The following DVL2 variants were observed in gnomAD, a reference collection of about 807,000 sequenced individuals.
DVL2 encodes segment polarity protein dishevelled homolog DVL-2.
A neutral mutation model predicts 69.8 loss-of-function variants in DVL2; 38 were observed. The ratio of observed to expected loss-of-function variants is 0.54; its 90% CI spans 0.42 to 0.71. DVL2 has a LOEUF of 0.71. Ranked by LOEUF, DVL2 falls within the 30% of genes least tolerant of loss-of-function variation. DVL2 has a pLI of 0.00. For missense variants in DVL2, 931 were observed against 1,008.1 expected, an observed-to-expected ratio of 0.92 and a Z score of 1.04; for synonymous variants, 428 against 392.4, an observed-to-expected ratio of 1.09 and a Z score of -1.07.
At position 7,226,505 on chromosome 17, in the gene DVL2, G is replaced by A. The variant is rs767139067; in HGVS notation, c.1678C>T (p.Pro560Ser). The A allele has an allele frequency of 8.8e-6, 14 of 1,599,230 alleles. No homozygotes were observed. The highest frequency in any genetic ancestry group is 1.3e-5 in the African/African-American group (1 of 74,266). Residue 560 changes from proline to serine, a missense_variant, in exon 14 of 15, where the codon CCC (proline) becomes TCC (serine). Pro to Ser is a moderately conservative substitution (Grantham distance 74). Coordinates refer to ENST00000005340, the MANE Select transcript of DVL2 (RefSeq NM_004422.3). ...TFSYQYPAPH[P>S]YSPQPPPYHE... ...TAGGGTGGAGGCTGCGGGCTGTAGG[G>A]GTGTGGGGCAGGGTATTGGTAGGAG...
At chr17:7,233,087 C>CAAAAAAAAAAAAAAAAAAAAAAAAAAAAA (rs59984818) in intron 1 of DVL2, among the ~76,000 whole-genome samples, 4 of 36,296 alleles carry the variant, frequency 1.1e-4, no homozygotes, top group Non-Finnish European at 1.8e-4. Context: ...GAGACTGTCT[C>CAAAAAAAAAAAAAAAAAAAAAAAAAAAAA]AAAAAAAAAA....
In DVL2 at chr17:7,226,028, A is replaced by G. The variant is rs770537300; in HGVS notation, c.2048T>C (p.Val683Ala). Residue 683 changes from valine to alanine, a missense_variant, in exon 15 of 15, where the codon GTC (valine) becomes GCC (alanine). Val to Ala is a moderately conservative substitution (Grantham distance 64). Around this residue, in one of 3 missense-constraint regions of DVL2, gnomAD observed 314 missense variants for 313.7 expected, o/e 1.00. Transcript: ENST00000005340. ...TGGAGGTGGAGGTGGGGGCATCATG[A>G]CCACCATCATGGGGTTGTAGGGGAG... ...MALPYNPMMVVMMPPPPPPVP... is the reference protein window; with the variant it reads ...MALPYNPMMVAMMPPPPPPVP... The G allele has an allele frequency of 3.7e-6, 6 of 1,612,132 alleles. No individual in the cohort carries two copies. The South Asian group carries it at 5.5e-5, about 15-fold the overall frequency.
rs189070318 is a variant in DVL2, at chr17:7,227,326, G to A, written c.1364-57C>T. ...GGTTCTTCTTCCAACTCCTGCTCTCGCCTCTGCCTGTGCCATTCCTGGCTT... is the reference window on the plus strand; with the variant it reads ...GGTTCTTCTTCCAACTCCTGCTCTCACCTCTGCCTGTGCCATTCCTGGCTT... On this transcript the variant is annotated intron_variant, in intron 12 of 14. Coordinates refer to ENST00000005340, the MANE Select transcript of DVL2 (RefSeq NM_004422.3). The A allele has an allele frequency of 1.7e-3, 2,740 of 1,602,648 alleles. 2 individuals are homozygous for A. Among genetic ancestry groups the A allele is most frequent in the Non-Finnish European group, 2.2e-3 (2,521 of 1,171,718 alleles).
rs775018008 is a variant in DVL2, at chr17:7,230,268, G to A, written c.410+17C>T. Reference sequence around the variant, plus strand: ...CCTCACCTCCCTCCCCTGCAGTCAAGAATCTGAAGGACTCACTGGAAGGAT... The same window carrying A: ...CCTCACCTCCCTCCCCTGCAGTCAAAAATCTGAAGGACTCACTGGAAGGAT... On this transcript the variant is annotated intron_variant, in intron 3 of 14. Coordinates refer to ENST00000005340, the MANE Select transcript of DVL2 (RefSeq NM_004422.3). The A allele has an allele frequency of 6.2e-6, 10 of 1,613,892 alleles. 1 individual carries two copies. The South Asian group carries it at 7.7e-5, about 12-fold the overall frequency.
At chr17:7,230,655 C>G (rs2071528956) in intron 2 of DVL2, 73 bp downstream of exon 2, 1 of 1,500,242 alleles carries the variant, frequency 6.7e-7, no homozygotes, top group Admixed American at 1.9e-5. Flanking sequence ...GGGGAGGATA[C>G]AGAAACAGAC....
At chr17:7,233,073 G>A (rs1355327287) in intron 1 of DVL2, among the ~76,000 whole-genome samples, 1 of 61,984 alleles carries the variant, frequency 1.6e-5, no homozygotes, top group Non-Finnish European at 3.9e-5. Context: ...CTGGGCGACA[G>A]AGCGAGACTG....
Position 7,229,931 on chromosome 17 carries a change from C to G in DVL2, c.533G>C (p.Arg178Thr), listed in dbSNP as rs1449137915. 2 of 1,608,558 alleles carry G rather than the reference C, an allele frequency of 1.2e-6. No individual in the cohort carries two copies. The highest frequency in any genetic ancestry group is 2.2e-5 in the South Asian group (2 of 91,082). ...CTCCAGCCTTGAGGGGCCACCAGTC[C>G]TGTGGCCCCCAGCTACATATGGACA... ...DSSEHGAGGH[R>T]TGGPSRLERH... Residue 178 changes from arginine to threonine, a missense_variant, in exon 5 of 15, where the codon AGG becomes ACG. By Grantham distance (71) the Arg-to-Thr change is moderately conservative (BLOSUM62 -1). Around this residue, in one of 3 missense-constraint regions of DVL2, gnomAD observed 555 missense variants for 588.8 expected, o/e 0.94. Transcript: ENST00000005340. The surrounding 1 kb of genome is among the most constrained non-coding windows in gnomAD (Gnocchi z 4.4).
chr17:7,227,839 G>A (rs2071481785), intron 10 of DVL2, 56 bp from the exon 11 acceptor site: 1 of 1,556,614 alleles, frequency 6.4e-7, no homozygotes. Flanking sequence ...AGCCAGCCCA[G>A]TCCCTCCCTG....
chr17:7,227,828 A>G, intron 10 of DVL2, 45 bp from the exon 11 acceptor site: 3 of 1,556,502 alleles, frequency 1.9e-6, no homozygotes, highest in Non-Finnish European at 2.6e-6. Flanking sequence ...CAGTCCCCAA[A>G]AGCCAGCCCA....
chr17:7,234,147 G>A lies in DVL2; in HGVS notation c.116C>T (p.Thr39Ile). 2 of 1,614,164 alleles carry A rather than the reference G, an allele frequency of 1.2e-6. No individual in the cohort carries two copies. The highest frequency in any genetic ancestry group is 1.7e-6 in the Non-Finnish European group (2 of 1,180,022). The part of the protein sequence containing the change: ...VKIPVPAERI[T>I]LGDFKSVLQR... ...CAGGACGCTCTTGAAATCGCCGAGG[G>A]TGATGCGCTCGGCGGGGACAGGGAT... Residue 39 changes from threonine (T) to isoleucine (I), a missense_variant, in exon 1 of 15, where the codon ACC becomes ATC. Around this residue, in one of 3 missense-constraint regions of DVL2, gnomAD observed 555 missense variants for 588.8 expected, o/e 0.94. Transcript: ENST00000005340.
chr17:7,231,164 T>C (rs973455193), intron 1 of DVL2, among the ~76,000 whole-genome samples: 1 of 152,110 alleles, frequency 6.6e-6, no homozygotes, highest in Non-Finnish European at 1.5e-5. Flanking sequence ...CCCCTGTTCC[T>C]TACAAACCTT....
intron 1 of DVL2, among the ~76,000 whole-genome samples, chr17:7,232,734 C>G (rs77881712): frequency 6.6e-6 from 1 of 152,166 alleles, no homozygotes; most frequent in Non-Finnish European, 1.5e-5. Flanking sequence ...TAGCTAGAGT[C>G]CAGTTTGTTC....
rs183589526 is a variant in DVL2 at position 7,228,646 on chromosome 17, T to A, written c.1034+323A>T. The A allele has an allele frequency of 3.5e-5, 11 of 312,914 alleles. No homozygotes were observed. The East Asian group carries it at 8.0e-4, about 23-fold the overall frequency. The allele number at this position is 312,914 out of a possible 1,614,324, so 19.4% of individuals were successfully genotyped here. ...CCCAGGCTGGAGTGCAGTGGCGTGA[T>A]CTCGTTTCACTGCAACCTCCACCCC... On this transcript the variant is annotated intron_variant, in intron 9 of 14. Transcript: ENST00000005340.
Position 7,226,437 on chromosome 17 carries a change from G to C in DVL2, c.1746C>G (p.Ser582Arg). 1 of 1,536,370 alleles carries C rather than the reference G, an allele frequency of 6.5e-7. No homozygotes were observed. The highest frequency in any genetic ancestry group is 8.8e-7 in the Non-Finnish European group (1 of 1,142,186). The part of the protein sequence containing the change: ...SSYTYGGGSA[S>R]SQHSEGSRSS... The stretch of plus-strand genomic sequence containing the variant: ...ATGACTTACCCTCACTATGCTGGCT[G>C]CTGGCACTGCCCCCACCATAGGTGT... The change falls in exon 14 of 15, where the codon AGC becomes AGG. Residue 582 changes from serine to arginine, a missense_variant. By Grantham distance (110) the Ser-to-Arg change is moderately radical (BLOSUM62 -1). Transcript: ENST00000005340.
intron 10 of DVL2, 23 bp downstream of exon 10, chr17:7,227,954 G>A: frequency 6.3e-7 from 1 of 1,575,826 alleles, no homozygotes; most frequent in Non-Finnish European, 8.6e-7. Flanking sequence ...CCAACTTCAG[G>A]CCCCTCCCTG....
At position 7,234,307 on chromosome 17, in the gene DVL2, C is replaced by T. The variant is rs749664905; in HGVS notation, c.-45G>A. ...CGGGCTCCACCGCCCACCCAAAGGG[C>T]TAATGGCCCCTGCCGCGCCTGCGCA... is the stretch of plus-strand genomic sequence containing the variant. On this transcript the variant is annotated 5_prime_UTR_variant, in exon 1 of 15. Transcript: ENST00000005340. 1.9e-6 allele frequency: 3 copies of T among 1,577,918 alleles called. No homozygotes were observed. The highest frequency in any genetic ancestry group is 2.6e-6 in the Non-Finnish European group (3 of 1,161,948).
In DVL2 at chr17:7,227,145, G is replaced by A. The variant is rs2071469276; in HGVS notation, c.1488C>T (p.Thr496=). ...GLIRHTVNKI[T]FSEQCYYVFG... ...AGACGTAATAGCACTGCTCAGAGAA[G>A]GTGATCTTGTTGACGGTGTGTCGGA... Residue 496 remains threonine, a synonymous_variant, in exon 13 of 15, where the codon ACC becomes ACT. Coordinates refer to ENST00000005340, the MANE Select transcript of DVL2 (RefSeq NM_004422.3). 4 of 1,614,206 alleles carry A rather than the reference G, an allele frequency of 2.5e-6. No homozygotes were observed. The Middle Eastern group carries it at 4.9e-4, about 200-fold the overall frequency.
intron 1 of DVL2, among the ~76,000 whole-genome samples, chr17:7,232,622 T>A (rs1473447593): frequency 6.6e-6 from 1 of 152,198 alleles, no homozygotes; most frequent in Non-Finnish European, 1.5e-5. Context: ...AAAATTTAAA[T>A]AAATTGTCCA....
rs1170935601 is a variant in DVL2, at chr17:7,229,602, G to C, written c.733C>G (p.Pro245Ala). The C allele has an allele frequency of 1.9e-6, 3 of 1,561,428 alleles. No homozygotes were observed. Among genetic ancestry groups the C allele is most frequent in the East Asian group, 2.2e-5 (1 of 44,512 alleles). The change falls in exon 6 of 15, where the codon CCC becomes GCC. Residue 245 changes from proline (P) to alanine (A), a missense_variant. Transcript: ENST00000005340. This position sits in a 1 kb window ranked among gnomAD's most constrained non-coding sequence, Gnocchi z 4.4. ...RHRRRRKQRP[P>A]RLERTSSFSS... ...GAACCCCTCACCCTCTCCAGGCGGG[G>C]TGGCCTCTGCTTCCTTCGCCGCCGG...
Sources: allele counts gnomAD v4.1 joint callset (sites outside exome capture counted in the v4.1 genomes callset), GRCh38; gene constraint gnomAD v4.1.1; regional missense constraint gnomAD v4.1.1; non-coding constraint Gnocchi (gnomAD v3.1); transcripts MANE v1.5; gene names NCBI Gene and HGNC (gene_info 2026-07-23, HGNC 2026-07-21).